SLC16A10: variants seen among roughly 807,000 people sequenced by gnomAD.
SLC16A10 encodes monocarboxylate transporter 10.
Under a neutral mutation model 40.0 loss-of-function variants are expected in SLC16A10, and 27 were observed. That is an observed-to-expected ratio of 0.67 (90% confidence interval 0.50 to 0.93). The LOEUF is 0.93. Ranked by LOEUF, SLC16A10 falls within the 40% of genes least tolerant of loss-of-function variation. The probability of loss-of-function intolerance (pLI) is 0.00; values close to 1 mark genes in which losing one functional copy is unlikely to be tolerated. For synonymous variants in SLC16A10, 213 were observed against 249.8 expected (o/e 0.85, Z 1.39); for missense variants, 529 against 658.2 (o/e 0.80, Z 2.15).
chr6:111,133,040 G>A (rs1488471539), intron 1 of SLC16A10, among the ~76,000 whole-genome samples: 1 of 152,152 alleles, frequency 6.6e-6, no homozygotes, highest in East Asian at 1.9e-4. Flanking sequence ...TTATGGGAAT[G>A]CATCTTGATG....
intron 1 of SLC16A10, among the ~76,000 whole-genome samples, chr6:111,115,440 C>T (rs1210480853): frequency 6.6e-6 from 1 of 152,230 alleles, no homozygotes; most frequent in Non-Finnish European, 1.5e-5. Context: ...AACTCCTGAC[C>T]TCAGGTGATC....
In SLC16A10 at chr6:111,177,404, C is replaced by T. The variant is rs781036170; in HGVS notation, c.681C>T (p.Ser227=). Residue 227 remains serine (S), a synonymous_variant, in exon 3 of 6, where the codon AGC becomes AGT. Coordinates refer to ENST00000368851, the MANE Select transcript of SLC16A10 (RefSeq NM_018593.5). ...TGCTCTTAAGGGTTCTGATTGACAG[C>T]GTGGGCCTCTTTTACACATTGAGGG... ...LPLLLRVLID[S]VGLFYTLRVL... 6.8e-6 allele frequency: 11 copies of T among 1,613,978 alleles called. No individual in the cohort carries two copies. The highest frequency in any genetic ancestry group is 1.7e-5 in the Admixed American group (1 of 59,976).
chr6:111,139,748 T>C (rs2114500809), intron 1 of SLC16A10, among the ~76,000 whole-genome samples: 1 of 152,370 alleles, frequency 6.6e-6, no homozygotes, highest in East Asian at 1.9e-4. Context: ...TGCATGTGTC[T>C]TTGTGGTAGA....
intron 1 of SLC16A10, among the ~76,000 whole-genome samples, chr6:111,108,161 A>G (rs1388653211): frequency 6.6e-6 from 1 of 152,068 alleles, no homozygotes; most frequent in East Asian, 1.9e-4. Flanking sequence ...CTGGGATTAC[A>G]GGCGTGATCC....
intron 1 of SLC16A10, among the ~76,000 whole-genome samples, chr6:111,172,376 A>G (rs1168874671): frequency 6.6e-6 from 1 of 152,082 alleles, no homozygotes; most frequent in Non-Finnish European, 1.5e-5. Flanking sequence ...GTTGGTTTTC[A>G]TTTTTGAGTT....
intron 1 of SLC16A10, among the ~76,000 whole-genome samples, chr6:111,140,950 T>C (rs1771971392): frequency 6.6e-6 from 1 of 152,160 alleles, no homozygotes; most frequent in South Asian, 2.1e-4. Context: ...CAAATCCAGC[T>C]AATTTTTAAA....
intron 1 of SLC16A10, among the ~76,000 whole-genome samples, chr6:111,104,006 C>T (rs536432170): frequency 6.6e-6 from 1 of 152,270 alleles, no homozygotes; most frequent in South Asian, 2.1e-4. Context: ...TCTCCAGCTT[C>T]GTGGCCCAGG....
intron 4 of SLC16A10, among the ~76,000 whole-genome samples, chr6:111,209,535 G>A (rs942731576): frequency 1.3e-5 from 2 of 152,144 alleles, no homozygotes; most frequent in African/African-American, 4.8e-5. Flanking sequence ...TTGCCATGTT[G>A]TTTGTGATGC....
At chr6:111,164,701 G>A (rs1390003929) in intron 1 of SLC16A10, among the ~76,000 whole-genome samples, 1 of 152,104 alleles carries the variant, frequency 6.6e-6, no homozygotes, top group African/African-American at 2.4e-5. Context: ...GGAGGCAGAG[G>A]CAACCAAGAT....
intron 2 of SLC16A10, among the ~76,000 whole-genome samples, chr6:111,174,977 C>T (rs1388730664): frequency 2.6e-5 from 4 of 152,086 alleles, no homozygotes; most frequent in African/African-American, 7.2e-5. Flanking sequence ...ATGTAATATT[C>T]TCATATATTC....
intron 4 of SLC16A10, among the ~76,000 whole-genome samples, chr6:111,207,068 T>C (rs1406790697): frequency 6.6e-6 from 1 of 152,218 alleles, no homozygotes. Flanking sequence ...TGACCTCAGG[T>C]GATCTGCCCG....
intron 3 of SLC16A10, chr6:111,193,143 C>A: frequency 3.5e-6 from 1 of 286,228 alleles, no homozygotes; most frequent in Non-Finnish European, 5.2e-6. Context: ...TGAGCCATCA[C>A]TCCTGGTCTC....
chr6:111,109,345 C>G (rs576222875), intron 1 of SLC16A10, among the ~76,000 whole-genome samples: 7 of 151,992 alleles, frequency 4.6e-5, no homozygotes, highest in African/African-American at 1.7e-4. Flanking sequence ...TCTTTTGTAT[C>G]TGTTTTTCAC....
intron 1 of SLC16A10, among the ~76,000 whole-genome samples, chr6:111,091,664 A>G (rs779352835): frequency 6.6e-6 from 1 of 151,780 alleles, no homozygotes; most frequent in African/African-American, 2.4e-5. Context: ...GTTTCTAGGC[A>G]GAACTGAGGA....
At chr6:111,197,218 A>G (rs1438936052) in intron 3 of SLC16A10, among the ~76,000 whole-genome samples, 1 of 152,184 alleles carries the variant, frequency 6.6e-6, no homozygotes, top group Non-Finnish European at 1.5e-5. Flanking sequence ...GATAGATAGG[A>G]GACTTTGGCA....
intron 3 of SLC16A10, among the ~76,000 whole-genome samples, chr6:111,199,839 A>AAC (rs1562431081): frequency 3.3e-5 from 5 of 151,326 alleles, no homozygotes; most frequent in Non-Finnish European, 7.4e-5. Flanking sequence ...AAAAAAAAAA[A>AAC]CAAGTAGAAA....
chr6:111,151,430 A>C (rs1368989528), intron 1 of SLC16A10, among the ~76,000 whole-genome samples: 1 of 152,152 alleles, frequency 6.6e-6, no homozygotes, highest in Non-Finnish European at 1.5e-5. Context: ...AATGGATCAT[A>C]AGTCCTGTTG....
intron 1 of SLC16A10, among the ~76,000 whole-genome samples, chr6:111,166,167 C>CTT (rs58079877): frequency 0.98 from 148,583 of 152,236 alleles, 72,512 homozygotes; most frequent in East Asian, 1. Context: ...TTAATCAAAA[C>CTT]TACAGAAGAA....
At chr6:111,182,463 G>A (rs2114554654) in intron 3 of SLC16A10, among the ~76,000 whole-genome samples, 1 of 151,580 alleles carries the variant, frequency 6.6e-6, no homozygotes, top group East Asian at 1.9e-4. Context: ...ACTGACCCCT[G>A]AATATCAGCA....
Sources: gnomAD v4.1 joint callset for allele counts (sites outside exome capture counted in the v4.1 genomes callset) on GRCh38, gnomAD v4.1.1 for gene constraint, MANE v1.5 for transcripts, NCBI Gene and HGNC (gene_info 2026-07-23, HGNC 2026-07-21) for gene names.